The following CSMD1 variants were observed in gnomAD, a reference collection of about 807,000 sequenced individuals.
CSMD1 encodes CUB and Sushi multiple domains 1, also known as CUB and sushi domain-containing protein 1.
Under a neutral mutation model 417.5 loss-of-function variants are expected in CSMD1, and 213 were observed. That is an observed-to-expected ratio of 0.51 (90% confidence interval 0.46 to 0.57). The LOEUF (loss-of-function observed/expected upper bound fraction) is 0.57. Among genes scored for constraint, CSMD1 ranks in the 20% least tolerant of loss-of-function variants. CSMD1 has a pLI of 0.00. For missense variants in CSMD1, 6,923 were observed against 4,529.7 expected, an observed-to-expected ratio of 1.53 and a Z score of -15.17; for synonymous variants, 2,862 against 1,736.8, an observed-to-expected ratio of 1.65 and a Z score of -16.11.
intron 1 of CSMD1, among the ~76,000 whole-genome samples, chr8:4,742,008 T>C (rs954450225): frequency 5.4e-5 from 2 of 37,326 alleles, no homozygotes; most frequent in Non-Finnish European, 9.8e-5. Flanking sequence ...CACTTTTTTT[T>C]TTTTTTTTTT....
chr8:3,909,177 T>C (rs762335589), intron 5 of CSMD1, among the ~76,000 whole-genome samples: 1 of 152,186 alleles, frequency 6.6e-6, no homozygotes, highest in Non-Finnish European at 1.5e-5. Context: ...GGTCAGGCTG[T>C]AGCTAAGATT....
intron 26 of CSMD1, among the ~76,000 whole-genome samples, chr8:3,260,641 T>G (rs971723148): frequency 3.3e-5 from 5 of 151,394 alleles, no homozygotes; most frequent in African/African-American, 4.9e-5. Flanking sequence ...AGAAACATTT[T>G]TGACAATCCC....
chr8:4,466,485 A>G (rs1331537612), intron 2 of CSMD1, among the ~76,000 whole-genome samples: 2 of 152,320 alleles, frequency 1.3e-5, no homozygotes, highest in East Asian at 1.9e-4. Flanking sequence ...TAGCCTATAT[A>G]TTGAACAAAT....
At chr8:3,716,824 G>A (rs1295086201) in intron 6 of CSMD1, among the ~76,000 whole-genome samples, 1 of 152,086 alleles carries the variant, frequency 6.6e-6, no homozygotes, top group Non-Finnish European at 1.5e-5. Flanking sequence ...TGGAAGTATG[G>A]TAGTCATCTA....
chr8:3,034,788 A>G (rs1448583000), intron 50 of CSMD1, among the ~76,000 whole-genome samples: 2 of 152,230 alleles, frequency 1.3e-5, no homozygotes, highest in African/African-American at 4.8e-5. Context: ...ATTTCATGAC[A>G]TTAAACATTA....
chr8:3,568,591 G>T (rs1027685842), intron 10 of CSMD1, among the ~76,000 whole-genome samples: 11 of 152,034 alleles, frequency 7.2e-5, no homozygotes, highest in African/African-American at 2.7e-4. Flanking sequence ...AAATGTGTGT[G>T]TATATCAATG....
rs566235977 is a variant in CSMD1 at position 4,565,290 on chromosome 8, C to T, written c.302+72052G>A. On this transcript the variant is annotated intron_variant, in intron 2 of 69. Coordinates refer to ENST00000635120, the MANE Select transcript of CSMD1 (RefSeq NM_033225.6). The stretch of plus-strand genomic sequence containing the variant: ...CAGAATATTGAGTGAACAAGTGTAA[C>T]TGTAAATTTCTAAATCAGTCTTAGG... Among the ~76,000 whole-genome samples the T allele has an allele frequency of 6.6e-5, 10 of 152,308 alleles. No homozygotes were observed. The East Asian group carries it at 1.9e-3, about 29-fold the overall frequency.
intron 5 of CSMD1, among the ~76,000 whole-genome samples, chr8:3,825,428 C>G (rs1187110874): frequency 2.6e-5 from 4 of 152,086 alleles, no homozygotes; most frequent in Non-Finnish European, 4.4e-5. Flanking sequence ...ACTTGGGAGG[C>G]TGAGGCAGTA....
Position 3,967,933 on chromosome 8 carries a change from C to T in CSMD1, c.818+29970G>A, listed in dbSNP as rs550282406. Among the ~76,000 whole-genome samples, 4 of 148,570 alleles carry T rather than the reference C, an allele frequency of 2.7e-5. No homozygotes were observed. In the East Asian group the frequency reaches 6.0e-4, roughly 22 times the overall value. On this transcript the variant is annotated intron_variant, in intron 5 of 69. Transcript: ENST00000635120. ...GTGTAATCCCAGCACTTTGGGAGGC[C>T]GAGGTGTGCGGATCACGAGGTCAGG...
Position 3,574,948 on chromosome 8 carries a change from G to C in CSMD1, c.1341C>G (p.Asp447Glu). The C allele has an allele frequency of 1.2e-6, 2 of 1,612,170 alleles. No individual in the cohort carries two copies. The highest frequency in any genetic ancestry group is 1.7e-6 in the Non-Finnish European group (2 of 1,179,666). ...CVWVITTTDP[D>E]KVIKLAFEEF... ...GGGGTTGGAGGCGGAGCCTTACCTTGTCCGGGTCGGTGGTGGTGATGACCC... is the reference window on the plus strand; with the variant it reads ...GGGGTTGGAGGCGGAGCCTTACCTTCTCCGGGTCGGTGGTGGTGATGACCC... The change falls in exon 10 of 70, where the codon GAC becomes GAG. Residue 447 changes from aspartate (D) to glutamate (E), a missense_variant. By Grantham distance (45) the Asp-to-Glu change is conservative. Transcript: ENST00000635120.
chr8:4,582,745 G>A (rs1799480673), intron 2 of CSMD1, among the ~76,000 whole-genome samples: 1 of 152,218 alleles, frequency 6.6e-6, no homozygotes, highest in African/African-American at 2.4e-5. Flanking sequence ...GGAGCCCTTT[G>A]GCCCACCGCT....
chr8:3,603,640 G>T (rs1801468767), intron 8 of CSMD1, among the ~76,000 whole-genome samples: 1 of 152,034 alleles, frequency 6.6e-6, no homozygotes, highest in South Asian at 2.1e-4. Flanking sequence ...GTCACAAAGG[G>T]GATTTTTTTC....
intron 1 of CSMD1, among the ~76,000 whole-genome samples, chr8:4,977,298 G>C (rs1317719418): frequency 6.6e-6 from 1 of 152,070 alleles, no homozygotes; most frequent in Non-Finnish European, 1.5e-5. Flanking sequence ...CCTGAAATAA[G>C]GCAAGAAGGG....
chr8:3,078,424 A>C (rs1355530134), intron 49 of CSMD1, among the ~76,000 whole-genome samples: 5 of 152,198 alleles, frequency 3.3e-5, no homozygotes, highest in African/African-American at 9.7e-5. Context: ...GGTAGAGCAA[A>C]ATTACATGTC....
At chr8:4,458,553 G>A (rs867103272) in intron 2 of CSMD1, among the ~76,000 whole-genome samples, 1 of 151,848 alleles carries the variant, frequency 6.6e-6, no homozygotes, top group Admixed American at 6.6e-5. Context: ...AATGTTAACT[G>A]TTACTCTTTG....
chr8:3,200,793 T>C (rs1046048458), intron 32 of CSMD1, among the ~76,000 whole-genome samples: 19 of 152,222 alleles, frequency 1.2e-4, no homozygotes, highest in Non-Finnish European at 2.9e-5. Context: ...TTAAGACTTT[T>C]AGTTAATAAT....
intron 5 of CSMD1, among the ~76,000 whole-genome samples, chr8:3,990,334 G>A (rs762273795): frequency 4.6e-5 from 7 of 152,250 alleles, no homozygotes; most frequent in Non-Finnish European, 7.3e-5. Flanking sequence ...GGAGAAATCT[G>A]ACATGAGAGA....
chr8:4,753,428 CACACACACACACACACACAT>C (rs958906142), intron 1 of CSMD1, among the ~76,000 whole-genome samples: 2 of 151,512 alleles, frequency 1.3e-5, no homozygotes, highest in Non-Finnish European at 2.9e-5. Context: ...CACACACACA[CACACACACACACACACACAT>C]GCGCACACAC....
chr8:4,870,959 G>C (rs9650519), intron 1 of CSMD1, among the ~76,000 whole-genome samples: 79,724 of 151,932 alleles, frequency 0.52, 21,245 homozygotes, highest in South Asian at 0.65. Context: ...AATCCCCAGT[G>C]CTGAGAAGAG....
Sources: gnomAD v4.1 joint callset for allele counts (sites outside exome capture counted in the v4.1 genomes callset) on GRCh38, gnomAD v4.1.1 for gene constraint, MANE v1.5 for transcripts, NCBI Gene and HGNC (gene_info 2026-07-23, HGNC 2026-07-21) for gene names.